The following ZDHHC21 variants were observed in gnomAD, a reference collection of about 807,000 sequenced individuals.
ZDHHC21 encodes the protein palmitoyltransferase ZDHHC21.
Under a neutral mutation model 34.6 loss-of-function variants are expected in ZDHHC21, and 15 were observed. The ratio of observed to expected loss-of-function variants is 0.43; its 90% confidence interval spans 0.29 to 0.67. The LOEUF is 0.67. Among genes scored for constraint, ZDHHC21 ranks in the 30% least tolerant of loss-of-function variants. The pLI, the probability that ZDHHC21 is intolerant of heterozygous loss-of-function variation, is 0.14. For missense variants in ZDHHC21, 344 were observed against 327.7 expected (o/e 1.05, Z -0.38); for synonymous variants, 142 against 101.8 (o/e 1.40, Z -2.38).
At chr9:14,647,612 G>T (rs1830486702) in intron 7 of ZDHHC21, among the ~76,000 whole-genome samples, 1 of 152,060 alleles carries the variant, frequency 6.6e-6, no homozygotes, top group African/African-American at 2.4e-5. Flanking sequence ...TGGCTTTCCA[G>T]AATATATTCA....
rs1421371405 is a variant in ZDHHC21 at position 14,617,290 on chromosome 9, C to T, written c.*1676G>A. ...CAGTACCAATAAATATGTTCGTCTG[C>T]TGTATTTCTGTTCGTATTTCTGAGT... is the stretch of plus-strand genomic sequence containing the variant. On this transcript the variant is annotated 3_prime_UTR_variant, in exon 10 of 10. Coordinates refer to ENST00000380916, the MANE Select transcript of ZDHHC21 (RefSeq NM_178566.6). 1 of 151,858 alleles carries T rather than the reference C, an allele frequency of 6.6e-6. No homozygotes were observed. Among genetic ancestry groups the T allele is most frequent in the Non-Finnish European group, 1.5e-5 (1 of 67,874 alleles). 9.4% of individuals were successfully genotyped at this position (151,858 alleles called of 1,614,324 possible).
intron 8 of ZDHHC21, among the ~76,000 whole-genome samples, chr9:14,621,370 G>C (rs1825276304): frequency 6.6e-6 from 1 of 151,944 alleles, no homozygotes; most frequent in Non-Finnish European, 1.5e-5. Context: ...AATCCTGAAG[G>C]ATTTATTTGT....
At chr9:14,652,005 A>G (rs1203903113) in intron 7 of ZDHHC21, among the ~76,000 whole-genome samples, 2 of 151,932 alleles carry the variant, frequency 1.3e-5, no homozygotes, top group African/African-American at 4.8e-5. Context: ...TTTAAGTAAA[A>G]TTCAACATTA....
intron 8 of ZDHHC21, among the ~76,000 whole-genome samples, chr9:14,626,869 T>C (rs914072616): frequency 3.3e-5 from 5 of 152,098 alleles, no homozygotes; most frequent in African/African-American, 1.2e-4. Flanking sequence ...ATAAAATCTT[T>C]CATATAATAT....
At chr9:14,630,230 A>C (rs1406660187) in intron 8 of ZDHHC21, among the ~76,000 whole-genome samples, 1 of 151,970 alleles carries the variant, frequency 6.6e-6, no homozygotes, top group East Asian at 1.9e-4. Context: ...AAGTCCATAT[A>C]CTCTTCTAAA....
Position 14,690,666 on chromosome 9 carries a change from A to C in ZDHHC21, c.-224-281T>G, listed in dbSNP as rs894626138. Among the ~76,000 whole-genome samples, 2 of 152,186 alleles carry C rather than the reference A, an allele frequency of 1.3e-5. 1 individual carries two copies. The highest frequency in any genetic ancestry group is 1.3e-4 in the Admixed American group (2 of 15,288). ...AATTTTGCCTAGGTTAGGTCTAAAG[A>C]GCAAAACAAACACATAAAGTACCAT... is the stretch of plus-strand genomic sequence containing the variant. On this transcript the variant is annotated intron_variant, in intron 1 of 9. Coordinates refer to ENST00000380916, the MANE Select transcript of ZDHHC21 (RefSeq NM_178566.6).
At chr9:14,662,094 T>C (rs1201427174) in intron 6 of ZDHHC21, 121 bp downstream of exon 6, 1 of 575,754 alleles carries the variant, frequency 1.7e-6, no homozygotes, top group Non-Finnish European at 2.9e-6. Context: ...AAAGATATCC[T>C]TATTAAGATA....
In ZDHHC21 at chr9:14,618,940, C is replaced by G; in HGVS notation, c.*26G>C. On this transcript the variant is annotated 3_prime_UTR_variant, in exon 10 of 10. Transcript: ENST00000380916. ...TGTAACGCATTGCCAGCATGGAGGA[C>G]CCATCTGTGCCCACCATCCATCTGT... 1 of 1,561,188 alleles carries G rather than the reference C, an allele frequency of 6.4e-7. No homozygotes were observed. The highest frequency in any genetic ancestry group is 1.2e-5 in the South Asian group (1 of 82,676).
intron 7 of ZDHHC21, among the ~76,000 whole-genome samples, chr9:14,652,875 T>G (rs946134780): frequency 3.3e-5 from 5 of 151,984 alleles, no homozygotes; most frequent in African/African-American, 1.2e-4. Context: ...AGTTAACACT[T>G]TCTCTTCTGA....
intron 5 of ZDHHC21, among the ~76,000 whole-genome samples, chr9:14,663,863 G>A (rs1023844093): frequency 6.6e-6 from 1 of 152,130 alleles, no homozygotes; most frequent in Non-Finnish European, 1.5e-5. Flanking sequence ...AGTTAAACTA[G>A]TACTATTTAC....
chr9:14,664,271 A>G (rs1181519621), intron 5 of ZDHHC21, among the ~76,000 whole-genome samples: 2 of 151,932 alleles, frequency 1.3e-5, no homozygotes, highest in African/African-American at 4.8e-5. Flanking sequence ...AAATCGGGTC[A>G]CTCCCACCCT....
chr9:14,689,414 T>C (rs1414544215), intron 2 of ZDHHC21, among the ~76,000 whole-genome samples: 2 of 152,230 alleles, frequency 1.3e-5, no homozygotes, highest in East Asian at 3.8e-4. Context: ...AGGAAGACTT[T>C]GTAAAAACGT....
intron 8 of ZDHHC21, among the ~76,000 whole-genome samples, chr9:14,639,136 A>T (rs375625014): frequency 6.6e-6 from 1 of 152,206 alleles, no homozygotes; most frequent in African/African-American, 2.4e-5. Flanking sequence ...AATGAATTTT[A>T]AAAATCTGGT....
At chr9:14,619,124 A>G (rs2133419374) in intron 9 of ZDHHC21, 26 bp from the exon 10 acceptor site, 2 of 1,582,030 alleles carry the variant, frequency 1.3e-6, no homozygotes, top group Non-Finnish European at 1.7e-6. Context: ...TTATTAGTGA[A>G]AGACAGCACT....
chr9:14,633,273 A>G (rs1029221196), intron 8 of ZDHHC21, among the ~76,000 whole-genome samples: 5 of 152,200 alleles, frequency 3.3e-5, no homozygotes, highest in African/African-American at 7.2e-5. Flanking sequence ...GACTGACAGG[A>G]AAGCAAGGCA....
intron 8 of ZDHHC21, among the ~76,000 whole-genome samples, chr9:14,633,209 A>T (rs1299673766): frequency 6.6e-6 from 1 of 152,180 alleles, no homozygotes; most frequent in African/African-American, 2.4e-5. Context: ...ATCATCTAAG[A>T]GAGAACACTG....
chr9:14,640,905 T>G (rs1225622540), intron 7 of ZDHHC21, among the ~76,000 whole-genome samples: 2 of 151,998 alleles, frequency 1.3e-5, no homozygotes, highest in African/African-American at 4.8e-5. Context: ...ACTCTCACTG[T>G]TACCAACCAA....
At chr9:14,639,405 T>TAA (rs1197614837) in intron 8 of ZDHHC21, among the ~76,000 whole-genome samples, 2 of 152,004 alleles carry the variant, frequency 1.3e-5, no homozygotes, top group East Asian at 1.9e-4. Context: ...TTAATGGTTA[T>TAA]AAACACACAG....
intron 8 of ZDHHC21, among the ~76,000 whole-genome samples, chr9:14,620,380 T>C (rs896490683): frequency 1.3e-5 from 2 of 152,038 alleles, no homozygotes; most frequent in Non-Finnish European, 2.9e-5. Context: ...CAAATTGTTA[T>C]AAGCAATAGC....
Sources: allele counts gnomAD v4.1 joint callset (sites outside exome capture counted in the v4.1 genomes callset), GRCh38; gene constraint gnomAD v4.1.1; transcripts MANE v1.5; gene names NCBI Gene and HGNC (gene_info 2026-07-23, HGNC 2026-07-21).